Variants in VCF1 observed in about 807,000 individuals in gnomAD.
VCF1 encodes the protein protein VCF1.
the VCF1 span, chr17:73,209,229 G>A: frequency 2.2e-6 from 1 of 453,464 alleles, no homozygotes; most frequent in Non-Finnish European, 4.0e-6. Flanking sequence ...CAGTCTGAAT[G>A]GGACATACTA....
At chr17:73,221,783 C>G in the VCF1 span, among the ~76,000 whole-genome samples, 1 of 151,906 alleles carries the variant, frequency 6.6e-6, no homozygotes, top group Non-Finnish European at 1.5e-5. Flanking sequence ...CGCCTGTAAT[C>G]CCAGCACTTT....
chr17:73,222,262 T>A, the VCF1 span, among the ~76,000 whole-genome samples: 2 of 151,560 alleles, frequency 1.3e-5, no homozygotes, highest in South Asian at 4.1e-4. Context: ...CTAAGGCTCA[T>A]AAGTCATTAA....
At chr17:73,221,186 C>T in the VCF1 span, among the ~76,000 whole-genome samples, 37 of 262 alleles carry the variant, frequency 0.14, 1 homozygote, top group African/African-American at 0.3. Flanking sequence ...CATGAGCCAC[C>T]GGGCCCCAGC....
the VCF1 span, chr17:73,207,787 GCTTGT>G: frequency 1.7e-4 from 214 of 1,288,020 alleles, 1 homozygote; most frequent in African/African-American, 2.3e-3. Context: ...AGCTCAAACA[GCTTGT>G]CTTCTTACAG....
the VCF1 span, among the ~76,000 whole-genome samples, chr17:73,225,869 T>A: frequency 0.14 from 12,304 of 88,834 alleles, 684 homozygotes; most frequent in African/African-American, 0.2. Flanking sequence ...AGGAAAAAAA[T>A]ATATATATAT....
the VCF1 span, among the ~76,000 whole-genome samples, chr17:73,225,965 G>A: frequency 7.0e-5 from 10 of 142,354 alleles, no homozygotes; most frequent in South Asian, 2.2e-4. Flanking sequence ...AAAACGGCAC[G>A]ATCTCAGCTC....
the VCF1 span, among the ~76,000 whole-genome samples, chr17:73,220,047 T>G: frequency 1.3e-5 from 2 of 151,150 alleles, no homozygotes; most frequent in South Asian, 4.2e-4. Flanking sequence ...AAACACACAA[T>G]CCTAACAGTT....
At chr17:73,213,610 T>C in the VCF1 span, among the ~76,000 whole-genome samples, 128 of 152,366 alleles carry the variant, frequency 8.4e-4, no homozygotes, top group Non-Finnish European at 1.4e-3. Context: ...AAATTTATTT[T>C]CTCAAGTGTC....
chr17:73,224,887 C>CAGCATAGGAT, the VCF1 span, among the ~76,000 whole-genome samples: 1 of 53,144 alleles, frequency 1.9e-5, no homozygotes, highest in Non-Finnish European at 4.3e-5. Context: ...CAGCACAGCA[C>CAGCATAGGAT]AGGACAGGAC....
the VCF1 span, chr17:73,232,297 G>GC: frequency 3.5e-5 from 56 of 1,584,834 alleles, no homozygotes; most frequent in South Asian, 5.6e-5. Flanking sequence ...TCTGCTCCGC[G>GC]CCCCCCCATG....
At chr17:73,211,777 T>C in the VCF1 span, among the ~76,000 whole-genome samples, 10 of 152,058 alleles carry the variant, frequency 6.6e-5, no homozygotes, top group South Asian at 2.1e-4. Flanking sequence ...AGAGAATCGC[T>C]TGAACCCGGG....
the VCF1 span, among the ~76,000 whole-genome samples, chr17:73,231,228 T>C: frequency 6.6e-6 from 1 of 152,196 alleles, no homozygotes; most frequent in South Asian, 2.1e-4. Context: ...GAAATAATTA[T>C]TTCAGAGAAG....
the VCF1 span, among the ~76,000 whole-genome samples, chr17:73,211,876 A>G: frequency 6.6e-6 from 1 of 152,050 alleles, no homozygotes; most frequent in African/African-American, 2.4e-5. Flanking sequence ...AAACAAAACA[A>G]AAAAATTATC....
chr17:73,220,894 ATTTTT>A, the VCF1 span, among the ~76,000 whole-genome samples: 1 of 96,668 alleles, frequency 1.0e-5, no homozygotes, highest in Admixed American at 1.2e-4. Context: ...TTTAATTTAG[ATTTTT>A]TTTTTTTTTT....
chr17:73,217,377 G>T, the VCF1 span, among the ~76,000 whole-genome samples: 1 of 150,530 alleles, frequency 6.6e-6, no homozygotes, highest in Non-Finnish European at 1.5e-5. Flanking sequence ...AAAAGGCCAG[G>T]TGTGGTGGTT....
chr17:73,223,528 T>C, the VCF1 span, among the ~76,000 whole-genome samples: 1 of 152,140 alleles, frequency 6.6e-6, no homozygotes, highest in African/African-American at 2.4e-5. Flanking sequence ...AATTTAATGG[T>C]TTAACATAAA....
the VCF1 span, among the ~76,000 whole-genome samples, chr17:73,221,806 C>T: frequency 1.4e-4 from 22 of 152,008 alleles, no homozygotes; most frequent in Non-Finnish European, 2.8e-4. Flanking sequence ...GAGGCCGAGG[C>T]GGGCGGATCA....
the VCF1 span, among the ~76,000 whole-genome samples, chr17:73,220,780 A>C: frequency 6.6e-6 from 1 of 150,530 alleles, no homozygotes; most frequent in South Asian, 2.1e-4. Flanking sequence ...TCTATCTGAT[A>C]TTACTTCACA....
chr17:73,223,467 GC>G, the VCF1 span, among the ~76,000 whole-genome samples: 1 of 152,116 alleles, frequency 6.6e-6, no homozygotes, highest in Non-Finnish European at 1.5e-5. Flanking sequence ...GAAAGAAGAG[GC>G]AGATACTATT....
Sources: allele counts gnomAD v4.1 joint callset (sites outside exome capture counted in the v4.1 genomes callset), GRCh38; gene constraint gnomAD v4.1.1; transcripts MANE v1.5; gene names NCBI Gene and HGNC (gene_info 2026-07-23, HGNC 2026-07-21).